NXPE1: variants seen among roughly 807,000 people sequenced by gnomAD.
NXPE1 encodes neurexophilin and PC-esterase domain family member 1.
In NXPE1, 31 loss-of-function variants were observed where a neutral mutation model predicts 33.3. The observed-to-expected ratio is 0.93, with a 90% CI of 0.70 to 1.26. NXPE1 has a LOEUF of 1.26. Ranked by LOEUF, NXPE1 falls within the 50% of genes most tolerant of loss-of-function variation. NXPE1 has a pLI of 0.00. For missense variants in NXPE1, 661 were observed against 655.6 expected (o/e 1.01, Z -0.09); for synonymous variants, 229 against 231.4 (o/e 0.99, Z 0.09).
intron 5 of NXPE1, among the ~76,000 whole-genome samples, chr11:114,534,925 A>G (rs984689715): frequency 6.6e-6 from 1 of 152,226 alleles, no homozygotes; most frequent in Non-Finnish European, 1.5e-5. Flanking sequence ...CAGGAAATAC[A>G]GAGAACGCCA....
chr11:114,523,479 C>T (rs1387994522), intron 7 of NXPE1, among the ~76,000 whole-genome samples: 1 of 152,136 alleles, frequency 6.6e-6, no homozygotes, highest in African/African-American at 2.4e-5. Flanking sequence ...ACCTTTGTTT[C>T]ATTAATGAAG....
At chr11:114,558,937 ATGTATTACTATGAAATGGT>A (rs1255632387) in intron 1 of NXPE1, among the ~76,000 whole-genome samples, 1 of 152,182 alleles carries the variant, frequency 6.6e-6, no homozygotes, top group Non-Finnish European at 1.5e-5. Context: ...AGACTTTAAT[ATGTATTACTATGAAATGGT>A]TAAGAAACAT....
At chr11:114,530,891 G>A in exon 6 of NXPE1, 2 of 1,609,682 alleles carry the variant, frequency 1.2e-6, no homozygotes, top group Non-Finnish European at 1.7e-6. Context: ...AGATGGATAA[G>A]TTTAGAGCAG....
exon 9 of NXPE1, chr11:114,522,079 C>T: frequency 6.2e-7 from 1 of 1,613,114 alleles, no homozygotes; most frequent in Non-Finnish European, 8.5e-7. Flanking sequence ...CAATGATGCC[C>T]ACGTTGAGGT....
chr11:114,539,197 A>G (rs1425381854), intron 5 of NXPE1, among the ~76,000 whole-genome samples: 1 of 150,760 alleles, frequency 6.6e-6, no homozygotes, highest in Non-Finnish European at 1.5e-5. Context: ...AAAACCAAAT[A>G]CCGCATGTTC....
At chr11:114,540,162 G>C (rs775625762) in intron 5 of NXPE1, among the ~76,000 whole-genome samples, 1 of 152,104 alleles carries the variant, frequency 6.6e-6, no homozygotes, top group Non-Finnish European at 1.5e-5. Context: ...TCACCATGTT[G>C]GCCAGGCTGG....
Position 114,522,712 on chromosome 11 carries a change from C to A in NXPE1, c.1108+167G>T, listed in dbSNP as rs527643354. Among the ~76,000 whole-genome samples, 5 of 152,200 alleles carry A rather than the reference C, an allele frequency of 3.3e-5. No individual in the cohort carries two copies. In the East Asian group the frequency reaches 9.6e-4, roughly 29 times the overall value. ...CACTGGAATTTTAAAAGAAGACCAACATTTCTTATGAAAGAAGGAATAAAA... is the reference window on the plus strand; with the variant it reads ...CACTGGAATTTTAAAAGAAGACCAAAATTTCTTATGAAAGAAGGAATAAAA... On this transcript the variant is annotated intron_variant, in intron 8 of 8. Coordinates refer to ENST00000534921, the Ensembl canonical transcript of NXPE1.
chr11:114,538,042 C>T (rs1292323119), intron 5 of NXPE1, among the ~76,000 whole-genome samples: 1 of 152,168 alleles, frequency 6.6e-6, no homozygotes, highest in Admixed American at 6.5e-5. Flanking sequence ...TACAAGGCTA[C>T]AGTAACCAAA....
At chr11:114,531,850 C>T (rs494754) in intron 5 of NXPE1, among the ~76,000 whole-genome samples, 54,930 of 151,988 alleles carry the variant, frequency 0.36, 10,176 homozygotes, top group East Asian at 0.66. Flanking sequence ...TGGCACTATA[C>T]GGTGCTTTAT....
intron 5 of NXPE1, among the ~76,000 whole-genome samples, chr11:114,545,293 G>T (rs1948237425): frequency 6.6e-6 from 1 of 152,170 alleles, no homozygotes; most frequent in African/African-American, 2.4e-5. Flanking sequence ...GATCATAGTT[G>T]CCCAAAACTG....
chr11:114,527,837 T>A lies in NXPE1; in HGVS notation c.895+3A>T. On this transcript the variant is annotated splice_donor_region_variant and intron_variant, in intron 7 of 8. Coordinates refer to ENST00000534921, the Ensembl canonical transcript of NXPE1. ...CACCTAACTCAGGACAGAGCCAACT[T>A]ACTGTTACAATTAGTGACATCAATG... The A allele has an allele frequency of 6.2e-7, 1 of 1,604,144 alleles. No homozygotes were observed. The highest frequency in any genetic ancestry group is 8.5e-7 in the Non-Finnish European group (1 of 1,175,280).
At chr11:114,528,288 C>T (rs1465337072) in intron 6 of NXPE1, among the ~76,000 whole-genome samples, 2 of 152,114 alleles carry the variant, frequency 1.3e-5, no homozygotes, top group Non-Finnish European at 2.9e-5. Context: ...TCAGTTTTAT[C>T]CCACCTAAAT....
chr11:114,535,512 A>C (rs1214676367), intron 5 of NXPE1, among the ~76,000 whole-genome samples: 1 of 152,214 alleles, frequency 6.6e-6, no homozygotes, highest in Non-Finnish European at 1.5e-5. Flanking sequence ...GTCAAGACCC[A>C]TCAGTGTGCT....
At chr11:114,552,570 G>A (rs79911828) in intron 2 of NXPE1, among the ~76,000 whole-genome samples, 1 of 151,690 alleles carries the variant, frequency 6.6e-6, no homozygotes, top group Admixed American at 6.6e-5. Context: ...CAAAAAGCAT[G>A]TTCAATAGGA....
At chr11:114,519,418 T>C (rs1242517138), downstream of NXPE1, among the ~76,000 whole-genome samples, 1 of 152,196 alleles carries the variant, frequency 6.6e-6, no homozygotes, top group Non-Finnish European at 1.5e-5. Flanking sequence ...AATAAAGTTC[T>C]CTTTGGGGGA....
intron 5 of NXPE1, among the ~76,000 whole-genome samples, chr11:114,550,525 A>G (rs1266969890): frequency 6.6e-6 from 1 of 152,178 alleles, no homozygotes; most frequent in African/African-American, 2.4e-5. Context: ...AGTCATATGG[A>G]AAAAGTTAAA....
At chr11:114,524,830 T>C (rs1403612779) in intron 7 of NXPE1, among the ~76,000 whole-genome samples, 1 of 152,210 alleles carries the variant, frequency 6.6e-6, no homozygotes, top group Non-Finnish European at 1.5e-5. Context: ...TTTTACTTAA[T>C]AGTTTTAGAA....
intron 8 of NXPE1, 91 bp from the exon 9 acceptor site, chr11:114,522,594 C>T: frequency 9.5e-7 from 1 of 1,049,322 alleles, no homozygotes; most frequent in Non-Finnish European, 1.3e-6. Context: ...ACCCACCCTA[C>T]CTAGATAATT....
At position 114,522,906 on chromosome 11, in the gene NXPE1, TC is replaced by T. The variant is rs1947258109; in HGVS notation, c.1080del (p.Trp360Ter). 10 of 1,613,112 alleles carry T rather than the reference TC, an allele frequency of 6.2e-6. No homozygotes were observed. Among genetic ancestry groups the T allele is most frequent in the Non-Finnish European group, 7.6e-6 (9 of 1,179,162 alleles). ...TTTACAACTTTGGGGAAGTAGTAGATCCACTGACGTAGTGTAGAGTCTCCCA... is the reference window on the plus strand; with the variant it reads ...TTTACAACTTTGGGGAAGTAGTAGATCACTGACGTAGTGTAGAGTCTCCCA... On this transcript the variant is annotated frameshift_variant, in exon 8 of 9. Transcript: ENST00000534921. LOFTEE classifies it low-confidence loss of function (END_TRUNC).
Sources: gnomAD v4.1 joint callset for allele counts (sites outside exome capture counted in the v4.1 genomes callset) on GRCh38, gnomAD v4.1.1 for gene constraint, MANE v1.5 for transcripts, NCBI Gene and HGNC (gene_info 2026-07-23, HGNC 2026-07-21) for gene names.